EFEMP1: variants seen among roughly 807,000 people sequenced by gnomAD.
The protein encoded by EFEMP1 is EGF-like fibulin extracellular matrix protein 1, also known as EGF-containing fibulin-like extracellular matrix protein 1.
EFEMP1 carries 18 observed loss-of-function variants against 65.7 expected under a neutral mutation model. The observed-to-expected ratio is 0.27, with a 90% CI of 0.19 to 0.41. The LOEUF (loss-of-function observed/expected upper bound fraction) is 0.41. EFEMP1 is among the 10% of genes least tolerant of loss of function. The probability of loss-of-function intolerance (pLI) is 1.00; values close to 1 mark genes in which losing one functional copy is unlikely to be tolerated. For synonymous variants in EFEMP1, 237 were observed against 219.7 expected (o/e 1.08, Z -0.70); for missense variants, 469 against 624.8 (o/e 0.75, Z 2.66).
chr2:55,888,654 G>A (rs1227072233), intron 5 of EFEMP1, among the ~76,000 whole-genome samples: 1 of 151,332 alleles, frequency 6.6e-6, no homozygotes, highest in African/African-American at 2.4e-5. Context: ...AAATGTTTGG[G>A]AAAAGAAAAC....
rs112065966 is a variant in EFEMP1, at chr2:55,923,659, G to T, written c.-49+52C>A. On this transcript the variant is annotated intron_variant, in intron 1 of 11. Coordinates refer to ENST00000355426, the MANE Select transcript of EFEMP1 (RefSeq NM_001039348.3). This position sits in a 1 kb window ranked among gnomAD's most constrained non-coding sequence, Gnocchi z 5.3. ...ACCCCACCTCACTCTCCCGCGCGCG[G>T]CCCAGTGAGTACTGGGCTCGCTCGG... The T allele has an allele frequency of 2.2e-5, 22 of 985,620 alleles. No individual in the cohort carries two copies. Among genetic ancestry groups the T allele is most frequent in the Admixed American group, 6.1e-5 (1 of 16,276 alleles). The allele number at this position is 985,620 out of a possible 1,614,324, so 61.1% of individuals were successfully genotyped here. A position where few individuals can be genotyped will look rare whatever the true frequency, so the allele number is the denominator to read the frequency against.
Position 55,883,951 on chromosome 2 carries a change from C to G in EFEMP1, c.518-2217G>C, listed in dbSNP as rs1669336103. Among the ~76,000 whole-genome samples the G allele has an allele frequency of 6.6e-6, 1 of 152,134 alleles. No individual in the cohort carries two copies. The highest frequency in any genetic ancestry group is 1.9e-4 in the East Asian group (1 of 5,200). ...TGCTCACTGCCACTACTTTCCTTCC[C>G]TTTCTCCACCAACACCCAAACAAAG... is the stretch of plus-strand genomic sequence containing the variant. On this transcript the variant is annotated intron_variant, in intron 5 of 11. Transcript: ENST00000355426. The surrounding 1 kb of genome is among the most constrained non-coding windows in gnomAD (Gnocchi z 4.5).
rs149625772 is a variant in EFEMP1, at chr2:55,917,120, A to C, written c.517+545T>G. ...AATAAGTCTGTGGCAAGTTCGATGA[A>C]AAGAAACTTGAGAAACCAAAGGGGT... On this transcript the variant is annotated intron_variant, in intron 5 of 11. Transcript: ENST00000355426. This position sits in a 1 kb window ranked among gnomAD's most constrained non-coding sequence, Gnocchi z 6.3. Among the ~76,000 whole-genome samples the C allele has an allele frequency of 1.8e-4, 27 of 152,330 alleles. No homozygotes were observed. The East Asian group carries it at 5.0e-3, about 28-fold the overall frequency.
At chr2:55,907,511 C>T (rs867404776) in intron 5 of EFEMP1, among the ~76,000 whole-genome samples, 1 of 152,336 alleles carries the variant, frequency 6.6e-6, no homozygotes, top group Middle Eastern at 3.4e-3. Flanking sequence ...CAGACTTACA[C>T]TGCCCTTTGT....
rs1668821256 is a variant in EFEMP1, at chr2:55,871,798, C to A, written c.1001-675G>T. On this transcript the variant is annotated intron_variant, in intron 9 of 11. Coordinates refer to ENST00000355426, the MANE Select transcript of EFEMP1 (RefSeq NM_001039348.3). The surrounding 1 kb of genome is among the most constrained non-coding windows in gnomAD (Gnocchi z 4.2). ...TGGATTATACTGTCCAGAGGAAGCA[C>A]AGCACAGGAAGTGAAACTATGAAGT... 6.6e-6 allele frequency among the ~76,000 whole-genome samples: 1 copy of A among 151,990 alleles called. No homozygotes were observed. Among genetic ancestry groups the A allele is most frequent in the Admixed American group, 6.6e-5 (1 of 15,246 alleles).
chr2:55,907,487 C>T (rs1419964603), intron 5 of EFEMP1, among the ~76,000 whole-genome samples: 1 of 152,158 alleles, frequency 6.6e-6, no homozygotes, highest in African/African-American at 2.4e-5. Context: ...GATTAAACAG[C>T]AAACTCTGAA....
chr2:55,895,773 C>T (rs1471723931), intron 5 of EFEMP1, among the ~76,000 whole-genome samples: 1 of 151,646 alleles, frequency 6.6e-6, no homozygotes, highest in Non-Finnish European at 1.5e-5. Flanking sequence ...TATCTCCTGA[C>T]CTCGTGATCC....
chr2:55,869,553 T>G (rs1391901228), intron 11 of EFEMP1, among the ~76,000 whole-genome samples: 2 of 152,130 alleles, frequency 1.3e-5, no homozygotes, highest in African/African-American at 4.8e-5. Flanking sequence ...GGCAAAGAAA[T>G]AATATCACAT....
At position 55,873,066 on chromosome 2, in the gene EFEMP1, C is replaced by CCA. The variant is rs58841515; in HGVS notation, c.1000+1878_1000+1879dup. Among the ~76,000 whole-genome samples, 17,404 of 145,156 alleles carry CCA rather than the reference C, an allele frequency of 0.12. 1,110 individuals carry two copies. The highest frequency in any genetic ancestry group is 0.17 in the Middle Eastern group (49 of 290). On this transcript the variant is annotated intron_variant, in intron 9 of 11. Coordinates refer to ENST00000355426, the MANE Select transcript of EFEMP1 (RefSeq NM_001039348.3). The surrounding 1 kb of genome is among the most constrained non-coding windows in gnomAD (Gnocchi z 4.6). ...TTCTTTTGTCTCTCTGTCTCTCTCT[C>CCA]CACACACACACACACACACACACAC...
intron 5 of EFEMP1, among the ~76,000 whole-genome samples, chr2:55,894,072 G>T (rs764105660): frequency 2.0e-5 from 3 of 152,100 alleles, no homozygotes; most frequent in Non-Finnish European, 4.4e-5. Context: ...CATAAAATCA[G>T]TCCTATCAGA....
At position 55,873,249 on chromosome 2, in the gene EFEMP1, C is replaced by A. The variant is rs1326221500; in HGVS notation, c.1000+1697G>T. 6.6e-6 allele frequency among the ~76,000 whole-genome samples: 1 copy of A among 152,038 alleles called. No individual in the cohort carries two copies. Among genetic ancestry groups the A allele is most frequent in the Non-Finnish European group, 1.5e-5 (1 of 67,960 alleles). ...AAGGAACGATTTCCGTAGGAGAAAG[C>A]AATTGCTTTATACTTTAGAAGAATG... On this transcript the variant is annotated intron_variant, in intron 9 of 11. Transcript: ENST00000355426. The surrounding 1 kb of genome is among the most constrained non-coding windows in gnomAD (Gnocchi z 4.6).
intron 5 of EFEMP1, among the ~76,000 whole-genome samples, chr2:55,895,747 T>C (rs1276336726): frequency 6.6e-6 from 1 of 151,782 alleles, no homozygotes; most frequent in South Asian, 2.1e-4. Flanking sequence ...TTCACTGTGT[T>C]AGCCAGGATT....
chr2:55,905,444 A>G (rs1285821839), intron 5 of EFEMP1, among the ~76,000 whole-genome samples: 1 of 152,056 alleles, frequency 6.6e-6, no homozygotes, highest in Non-Finnish European at 1.5e-5. Flanking sequence ...AGATTTTCCA[A>G]TAATTCTTTT....
At chr2:55,880,752 C>T (rs1404781488) in intron 6 of EFEMP1, among the ~76,000 whole-genome samples, 2 of 152,202 alleles carry the variant, frequency 1.3e-5, no homozygotes, top group African/African-American at 4.8e-5. Flanking sequence ...AGTGCTGGGC[C>T]TCATGATTGA....
chr2:55,904,773 C>T (rs769121474), intron 5 of EFEMP1, among the ~76,000 whole-genome samples: 17 of 152,214 alleles, frequency 1.1e-4, no homozygotes, highest in Non-Finnish European at 2.5e-4. Context: ...CCTTGTTTTC[C>T]AGCTTGTAGA....
At chr2:55,916,779 T>C (rs995425866) in intron 5 of EFEMP1, among the ~76,000 whole-genome samples, 28 of 152,180 alleles carry the variant, frequency 1.8e-4, no homozygotes, top group African/African-American at 6.8e-4. Flanking sequence ...ACCAGGCTGC[T>C]CTGAAATGGT....
chr2:55,906,222 CTTT>C (rs577782138), intron 5 of EFEMP1, among the ~76,000 whole-genome samples: 331 of 129,754 alleles, frequency 2.6e-3, no homozygotes, highest in South Asian at 7.0e-3. Flanking sequence ...AGCCCTGCAT[CTTT>C]TTTTTTTTTT....
Position 55,877,980 on chromosome 2 carries a change from C to T in EFEMP1, c.641-115G>A. On this transcript the variant is annotated intron_variant, in intron 6 of 11. Coordinates refer to ENST00000355426, the MANE Select transcript of EFEMP1 (RefSeq NM_001039348.3). This position sits in a 1 kb window ranked among gnomAD's most constrained non-coding sequence, Gnocchi z 4.5. ...ATCTCTTTTTAAAAGTAATAATTTC[C>T]TATTTTGTTAAAATTAGGGTATATG... The T allele has an allele frequency of 1.5e-6, 2 of 1,336,292 alleles. No homozygotes were observed. Among genetic ancestry groups the T allele is most frequent in the East Asian group, 4.8e-5 (2 of 41,312 alleles). The allele number at this position is 1,336,292 out of a possible 1,614,324, so 82.8% of individuals were successfully genotyped here.
In EFEMP1 at chr2:55,885,911, C is replaced by T. The variant is rs951126346; in HGVS notation, c.518-4177G>A. Among the ~76,000 whole-genome samples the T allele has an allele frequency of 2.6e-5, 4 of 152,148 alleles. No individual in the cohort carries two copies. The highest frequency in any genetic ancestry group is 5.9e-5 in the Non-Finnish European group (4 of 68,032). Reference sequence around the variant, plus strand: ...AAACCCCTGACTCATGCTGCTTTCTCTCTCTTATGCAACATTTTAATCTCT... The same window carrying T: ...AAACCCCTGACTCATGCTGCTTTCTTTCTCTTATGCAACATTTTAATCTCT... On this transcript the variant is annotated intron_variant, in intron 5 of 11. Coordinates refer to ENST00000355426, the MANE Select transcript of EFEMP1 (RefSeq NM_001039348.3). This position sits in a 1 kb window ranked among gnomAD's most constrained non-coding sequence, Gnocchi z 4.3.
Sources: allele counts gnomAD v4.1 joint callset (sites outside exome capture counted in the v4.1 genomes callset), GRCh38; gene constraint gnomAD v4.1.1; non-coding constraint Gnocchi (gnomAD v3.1); transcripts MANE v1.5; gene names NCBI Gene and HGNC (gene_info 2026-07-23, HGNC 2026-07-21).